OTUD6B: variants seen among roughly 807,000 people sequenced by gnomAD.
OTUD6B encodes deubiquitinase OTUD6B.
In OTUD6B, 41 loss-of-function variants were observed where a neutral mutation model predicts 36.9. The observed-to-expected ratio is 1.11, with a 90% CI of 0.87 to 1.44. The LOEUF (loss-of-function observed/expected upper bound fraction) is 1.44, where lower values mean the gene tolerates loss of function less well. Ranked by LOEUF, OTUD6B falls within the 40% of genes most tolerant of loss-of-function variation. The probability of loss-of-function intolerance (pLI) is 0.00; values close to 1 mark genes in which losing one functional copy is unlikely to be tolerated. For synonymous variants in OTUD6B, 114 were observed against 114.2 expected, an observed-to-expected ratio of 1.00 and a Z score of 0.01; for missense variants, 356 against 344.8, an observed-to-expected ratio of 1.03 and a Z score of -0.26.
chr8:91,070,480 A>T lies in OTUD6B; in HGVS notation c.82+14A>T, dbSNP rs1435365686. The T allele has an allele frequency of 1.3e-6, 2 of 1,556,930 alleles. No homozygotes were observed. The highest frequency in any genetic ancestry group is 3.9e-5 in the Admixed American group (2 of 51,350). On this transcript the variant is annotated intron_variant, in intron 1 of 6. Coordinates refer to ENST00000404789, the MANE Select transcript of OTUD6B (RefSeq NM_016023.5). Reference sequence around the variant, plus strand: ...AGGAGTTGCAAGGTGAGGCGGAAGGAAGTGGGAATCTGGAAGCCGCCGCGA... The same window carrying T: ...AGGAGTTGCAAGGTGAGGCGGAAGGTAGTGGGAATCTGGAAGCCGCCGCGA...
At chr8:91,071,964 A>G (rs1812710035) in intron 2 of OTUD6B, among the ~76,000 whole-genome samples, 1 of 152,192 alleles carries the variant, frequency 6.6e-6, no homozygotes, top group Admixed American at 6.5e-5. Context: ...CGATACAAAT[A>G]TTTCTACACT....
At chr8:91,071,607 C>T (rs371265109) in intron 2 of OTUD6B, among the ~76,000 whole-genome samples, 108 of 152,286 alleles carry the variant, frequency 7.1e-4, no homozygotes, top group African/African-American at 2.4e-3. Context: ...CTCGGCCTCC[C>T]AAAGTGCTGG....
chr8:91,071,770 A>G (rs1469175060), intron 2 of OTUD6B, among the ~76,000 whole-genome samples: 1 of 152,240 alleles, frequency 6.6e-6, no homozygotes, highest in African/African-American at 2.4e-5. Flanking sequence ...GTGTGTTTCT[A>G]TAAGGGAGAT....
chr8:91,081,155 A>T (rs1405303812), intron 5 of OTUD6B, among the ~76,000 whole-genome samples: 1 of 148,552 alleles, frequency 6.7e-6, no homozygotes. Flanking sequence ...GAAAAAAAAA[A>T]TTATGTGAAA....
intron 3 of OTUD6B, 134 bp from the exon 4 acceptor site, chr8:91,078,222 A>G: frequency 7.0e-7 from 1 of 1,435,070 alleles, no homozygotes; most frequent in East Asian, 2.5e-5. Flanking sequence ...GAGATGATCA[A>G]TGTGATAGTG....
At chr8:91,078,720 T>C (rs554110546) in intron 4 of OTUD6B, 52 bp downstream of exon 4, 6 of 1,285,060 alleles carry the variant, frequency 4.7e-6, no homozygotes, top group Non-Finnish European at 5.3e-6. Context: ...GTAGTTGTTT[T>C]TAAATAAGGT....
chr8:91,083,041 A>G (rs917901999), intron 5 of OTUD6B, among the ~76,000 whole-genome samples: 2 of 151,888 alleles, frequency 1.3e-5, no homozygotes, highest in Admixed American at 6.6e-5. Context: ...AAATGTTAGC[A>G]TTAATGTTCA....
Position 91,076,341 on chromosome 8 carries a change from G to T in OTUD6B, c.316-2015G>T, listed in dbSNP as rs1019404433. 20 of 419,870 alleles carry T rather than the reference G, an allele frequency of 4.8e-5. 1 individual carries two copies. The highest frequency in any genetic ancestry group is 6.4e-5 in the Admixed American group (1 of 15,534). The allele number at this position is 419,870 out of a possible 1,614,324, so 26.0% of individuals were successfully genotyped here. On this transcript the variant is annotated intron_variant, in intron 3 of 6. Coordinates refer to ENST00000404789, the MANE Select transcript of OTUD6B (RefSeq NM_016023.5). ...ATAGCTGTAGAAACCAAAGTGCCTA[G>T]TGCTCTTGGGAAACTATATATTGCT...
chr8:91,077,862 G>A (rs1290720219), intron 3 of OTUD6B, among the ~76,000 whole-genome samples: 1 of 151,648 alleles, frequency 6.6e-6, no homozygotes, highest in African/African-American at 2.4e-5. Context: ...CAAAATATTT[G>A]TTAATTAAAT....
In OTUD6B at chr8:91,084,000, TC is replaced by T; in HGVS notation, c.691-6del. 1 of 1,548,886 alleles carries T rather than the reference TC, an allele frequency of 6.5e-7. No homozygotes were observed. Among genetic ancestry groups the T allele is most frequent in the Non-Finnish European group, 8.7e-7 (1 of 1,148,512 alleles). On this transcript the variant is annotated splice_polypyrimidine_tract_variant and splice_region_variant and intron_variant, in intron 5 of 6. Transcript: ENST00000404789. ...TTTTCCTTACTGATACTTTTTTTCT[TC>T]CTATAGCTAAGAGCTCTGTCTCACA...
chr8:91,073,958 A>G, intron 3 of OTUD6B, 47 bp downstream of exon 3: 2 of 1,267,608 alleles, frequency 1.6e-6, no homozygotes, highest in Non-Finnish European at 2.2e-6. Context: ...CTGTGTGTTC[A>G]ATACTATCTT....
chr8:91,072,036 T>G (rs1245253697), intron 2 of OTUD6B, among the ~76,000 whole-genome samples: 1 of 152,232 alleles, frequency 6.6e-6, no homozygotes, highest in Non-Finnish European at 1.5e-5. Context: ...GTTATAAAAG[T>G]GCTTTATTAA....
intron 2 of OTUD6B, among the ~76,000 whole-genome samples, chr8:91,071,564 G>A (rs1024603307): frequency 1.3e-5 from 2 of 152,130 alleles, no homozygotes; most frequent in African/African-American, 2.4e-5. Context: ...TAGCCAAGAC[G>A]GTGTCGATCT....
chr8:91,076,670 TTTCTGCGTGCTGTTTCCTCAGAA>T (rs1451988954), intron 3 of OTUD6B: 1 of 1,453,090 alleles, frequency 6.9e-7, no homozygotes, highest in African/African-American at 1.4e-5. Flanking sequence ...TTTGGAAATC[TTTCTGCGTGCTGTTTCCTCAGAA>T]GAGGAAAATG....
chr8:91,071,333 C>A, intron 2 of OTUD6B, 44 bp downstream of exon 2: 3 of 1,435,458 alleles, frequency 2.1e-6, no homozygotes, highest in Non-Finnish European at 1.9e-6. Context: ...CATTTGAAAA[C>A]AGCTGTCCAC....
In OTUD6B at chr8:91,084,877, A is replaced by G. The variant is rs1812982368; in HGVS notation, c.*9A>G. On this transcript the variant is annotated 3_prime_UTR_variant, in exon 7 of 7. Transcript: ENST00000404789. ...CTGAAAATTGCAGCTAATTTATACA[A>G]TGTTGTACAATTATGTTTTAATACA... 2.2e-6 allele frequency: 3 copies of G among 1,367,042 alleles called. No individual in the cohort carries two copies. The highest frequency in any genetic ancestry group is 1.9e-5 in the Admixed American group (1 of 52,766). The allele number at this position is 1,367,042 out of a possible 1,614,324, so 84.7% of individuals were successfully genotyped here.
Position 91,084,927 on chromosome 8 carries a change from C to T in OTUD6B, c.*59C>T, listed in dbSNP as rs1016695714. On this transcript the variant is annotated 3_prime_UTR_variant, in exon 7 of 7. Transcript: ENST00000404789. ...AGTGTGCTGAACTGAGTATTTCTAC[C>T]AAGTGTTGGGTTGTTCTAAATGCTA... The T allele has an allele frequency of 7.2e-6, 6 of 833,596 alleles. No individual in the cohort carries two copies. The highest frequency in any genetic ancestry group is 1.1e-5 in the Non-Finnish European group (6 of 551,668). The allele number at this position is 833,596 out of a possible 1,614,324, so 51.6% of individuals were successfully genotyped here.
At chr8:91,078,267 T>G in intron 3 of OTUD6B, 89 bp from the exon 4 acceptor site, 1 of 1,453,878 alleles carries the variant, frequency 6.9e-7, no homozygotes, top group Non-Finnish European at 9.0e-7. Context: ...ACCGGAAAGT[T>G]TTGAGACCTT....
chr8:91,082,587 T>C (rs1187323389), intron 5 of OTUD6B, among the ~76,000 whole-genome samples: 3 of 152,058 alleles, frequency 2.0e-5, no homozygotes, highest in Non-Finnish European at 4.4e-5. Flanking sequence ...CTCGAACGCC[T>C]GAGTTCAAGT....
Sources: allele counts gnomAD v4.1 joint callset (sites outside exome capture counted in the v4.1 genomes callset), GRCh38; gene constraint gnomAD v4.1.1; transcripts MANE v1.5; gene names NCBI Gene and HGNC (gene_info 2026-07-23, HGNC 2026-07-21).